The following ITPR3 variants were observed in gnomAD, a reference collection of about 807,000 sequenced individuals.
The protein encoded by ITPR3 is inositol 1,4,5-trisphosphate receptor type 3.
A neutral mutation model predicts 293.2 loss-of-function variants in ITPR3; 173 were observed. The ratio of observed to expected loss-of-function variants is 0.59; its 90% CI spans 0.52 to 0.67. ITPR3 has a LOEUF of 0.67. Among genes scored for constraint, ITPR3 ranks in the 30% least tolerant of loss-of-function variants. The pLI is 0.00. For synonymous variants in ITPR3, 1,295 were observed against 1,444.4 expected (o/e 0.90, Z 2.35); for missense variants, 2,796 against 3,592.1 (o/e 0.78, Z 5.66).
In ITPR3 at chr6:33,666,871, C is replaced by T. The variant is rs1764623232; in HGVS notation, c.1552-258C>T. ...AGACCCTCTGCTCCTCCCCCAGGCC[C>T]CAGATCTGAGCTGGGATTAGAATCC... is the stretch of plus-strand genomic sequence containing the variant. On this transcript the variant is annotated intron_variant, in intron 14 of 57. Coordinates refer to ENST00000605930, the MANE Select transcript of ITPR3 (RefSeq NM_002224.4). The surrounding 1 kb of genome is among the most constrained non-coding windows in gnomAD (Gnocchi z 5.1). Among the ~76,000 whole-genome samples the T allele has an allele frequency of 1.3e-5, 2 of 152,138 alleles. No homozygotes were observed. The highest frequency in any genetic ancestry group is 1.3e-4 in the Admixed American group (2 of 15,274).
intron 6 of ITPR3, 62 bp downstream of exon 6, chr6:33,659,181 A>G: frequency 6.9e-7 from 1 of 1,454,914 alleles, no homozygotes; most frequent in Non-Finnish European, 9.6e-7. Flanking sequence ...GGTGGTGTAG[A>G]CACCCCGCTC....
At position 33,680,056 on chromosome 6, in the gene ITPR3, A is replaced by G; in HGVS notation, c.4147A>G (p.Thr1383Ala). ...CTGTGCCGAGGGCAAAAACGTCTACACTGAGATCAAGTGCACCTCCCTGCT... is the reference window on the plus strand; with the variant it reads ...CTGTGCCGAGGGCAAAAACGTCTACGCTGAGATCAAGTGCACCTCCCTGCT... ...AACAEGKNVY[T>A]EIKCTSLLPL... Residue 1383 changes from threonine to alanine, a missense_variant, in exon 31 of 58, where the codon ACT (threonine) becomes GCT (alanine). Coordinates refer to ENST00000605930, the MANE Select transcript of ITPR3 (RefSeq NM_002224.4). The G allele has an allele frequency of 1.2e-6, 2 of 1,613,808 alleles. No individual in the cohort carries two copies. Among genetic ancestry groups the G allele is most frequent in the Non-Finnish European group, 8.5e-7 (1 of 1,180,036 alleles).
chr6:33,665,990 C>T lies in ITPR3; in HGVS notation c.1551+14C>T. ...ATCCTCAAACAGGTGCGTGTGCACC[C>T]ATGAGGGGACGCAGAGGGGCCGGGT... On this transcript the variant is annotated intron_variant, in intron 14 of 57. Transcript: ENST00000605930. 6.3e-7 allele frequency: 1 copy of T among 1,586,582 alleles called. No individual in the cohort carries two copies. The highest frequency in any genetic ancestry group is 8.6e-7 in the Non-Finnish European group (1 of 1,165,644).
rs1379063876 is a variant in ITPR3, at chr6:33,693,585, T to C, written c.7665T>C (p.Phe2555=). The stretch of plus-strand genomic sequence containing the variant: ...AGTTTGATAACAAGACAGTGTCATT[T>C]GAGGAACACATCAAGCTGGAGCACA... The part of the protein sequence containing the change: ...RDKFDNKTVS[F]EEHIKLEHNM... The change falls in exon 56 of 58, where the codon TTT becomes TTC. Residue 2555 remains phenylalanine (F), a synonymous_variant. Transcript: ENST00000605930. 6.2e-7 allele frequency: 1 copy of C among 1,614,074 alleles called. No individual in the cohort carries two copies. Among genetic ancestry groups the C allele is most frequent in the Non-Finnish European group, 8.5e-7 (1 of 1,180,046 alleles).
chr6:33,680,172 G>A, intron 31 of ITPR3, 39 bp downstream of exon 31: 1 of 1,602,540 alleles, frequency 6.2e-7, no homozygotes, highest in South Asian at 1.1e-5. Context: ...CTGGAGATGG[G>A]GCGAAGGGGT....
chr6:33,667,692 G>A lies in ITPR3; in HGVS notation c.1714-100G>A. 1 of 1,316,636 alleles carries A rather than the reference G, an allele frequency of 7.6e-7. No individual in the cohort carries two copies. 81.6% of individuals were successfully genotyped at this position (1,316,636 alleles called of 1,614,324 possible). A position where few individuals can be genotyped will look rare whatever the true frequency, so the allele number is the denominator to read the frequency against. On this transcript the variant is annotated intron_variant, in intron 15 of 57. Coordinates refer to ENST00000605930, the MANE Select transcript of ITPR3 (RefSeq NM_002224.4). This position sits in a 1 kb window ranked among gnomAD's most constrained non-coding sequence, Gnocchi z 4.4. ...TGGACCTCTGCCTTTCTAGGGTATTGGGTCCTTACCTCGGGGTTTGGGGGC... is the reference window on the plus strand; with the variant it reads ...TGGACCTCTGCCTTTCTAGGGTATTAGGTCCTTACCTCGGGGTTTGGGGGC...
At chr6:33,641,402 G>A (rs1033562547) in intron 2 of ITPR3, among the ~76,000 whole-genome samples, 7 of 152,184 alleles carry the variant, frequency 4.6e-5, no homozygotes, top group African/African-American at 1.4e-4. Context: ...TCCTCGCGGG[G>A]GATGCTGGAA....
intron 22 of ITPR3, among the ~76,000 whole-genome samples, 158 bp from the exon 23 acceptor site, chr6:33,673,433 G>A (rs935354935): frequency 6.6e-6 from 1 of 152,004 alleles, no homozygotes; most frequent in Admixed American, 6.5e-5. Context: ...GTGACATCCT[G>A]GAGCATCCCA....
intron 42 of ITPR3, 39 bp downstream of exon 42, chr6:33,686,292 C>T (rs769069019): frequency 3.7e-6 from 6 of 1,605,942 alleles, no homozygotes; most frequent in Middle Eastern, 1.7e-4. Context: ...GCCAGGGTGG[C>T]AGTGTGGACA....
chr6:33,676,925 A>G lies in ITPR3; in HGVS notation c.3440A>G (p.Lys1147Arg), dbSNP rs1003225076. Reference sequence around the variant, plus strand: ...GTGGAGGCAGGCGCCGCCAAGGACAAGAAAGAGGTAAGTGGGGCTCCAGGG... The same window carrying G: ...GTGGAGGCAGGCGCCGCCAAGGACAGGAAAGAGGTAAGTGGGGCTCCAGGG... ...EEVEAGAAKD[K>R]KERPTDEEGF... Residue 1147 changes from lysine (K) to arginine (R), a missense_variant, in exon 26 of 58, where the codon AAG becomes AGG. By Grantham distance (26) the Lys-to-Arg change is conservative. Transcript: ENST00000605930. 2.5e-6 allele frequency: 4 copies of G among 1,614,000 alleles called. No individual in the cohort carries two copies. Among genetic ancestry groups the G allele is most frequent in the Admixed American group, 3.3e-5 (2 of 60,012 alleles).
intron 49 of ITPR3, 68 bp downstream of exon 49, chr6:33,688,849 AGCCTTGAG>A: frequency 6.2e-7 from 1 of 1,606,126 alleles, no homozygotes; most frequent in Non-Finnish European, 8.5e-7. Context: ...GTTGGGGCAG[AGCCTTGAG>A]GCCAGCTGGC....
chr6:33,621,708 C>A lies in ITPR3; in HGVS notation c.89+17C>A. ...CACTTTGGGGTGAGTGAGCCGAGCT[C>A]GAGAGGGGCGCGGGTAAAGAGGGGG... On this transcript the variant is annotated intron_variant, in intron 1 of 57. Transcript: ENST00000605930. This position sits in a 1 kb window ranked among gnomAD's most constrained non-coding sequence, Gnocchi z 7.7. The A allele has an allele frequency of 6.3e-7, 1 of 1,582,266 alleles. No individual in the cohort carries two copies.
In ITPR3 at chr6:33,662,911, G is replaced by C; in HGVS notation, c.859G>C (p.Val287Leu). The change falls in exon 9 of 58, where the codon GTG (valine) becomes CTG (leucine). Residue 287 changes from valine (V) to leucine (L), a missense_variant and splice_region_variant. This residue lies in a region of ITPR3 where 955 missense variants were observed against 1,180.8 expected (regional missense o/e 0.81). Transcript: ENST00000605930. ...TSSNALWEVE[V>L]VHHDPCRGGA... ...CTGCCTCACACCTGTGTGCCCCTAG[G>C]TGGTCCACCACGACCCCTGCCGTGG... 6 of 1,590,260 alleles carry C rather than the reference G, an allele frequency of 3.8e-6. No individual in the cohort carries two copies. Among genetic ancestry groups the C allele is most frequent in the Non-Finnish European group, 5.1e-6 (6 of 1,167,116 alleles).
At position 33,633,528 on chromosome 6, in the gene ITPR3, C is replaced by T. The variant is rs956077155; in HGVS notation, c.90-6956C>T. ...TCAGGTGGGGAGGGGTACCCCGGGGCCGCCCTCCGCGGGCAGACGAGCGGG... is the reference window on the plus strand; with the variant it reads ...TCAGGTGGGGAGGGGTACCCCGGGGTCGCCCTCCGCGGGCAGACGAGCGGG... On this transcript the variant is annotated intron_variant, in intron 1 of 57. Coordinates refer to ENST00000605930, the MANE Select transcript of ITPR3 (RefSeq NM_002224.4). This position sits in a 1 kb window ranked among gnomAD's most constrained non-coding sequence, Gnocchi z 5.2. 6.6e-6 allele frequency among the ~76,000 whole-genome samples: 1 copy of T among 152,046 alleles called. No individual in the cohort carries two copies. The highest frequency in any genetic ancestry group is 2.1e-4 in the South Asian group (1 of 4,834).
intron 55 of ITPR3, 106 bp from the exon 56 acceptor site, chr6:33,693,439 C>A: frequency 8.3e-7 from 1 of 1,205,216 alleles, no homozygotes; most frequent in Non-Finnish European, 1.2e-6. Flanking sequence ...GCGCTCATCC[C>A]GAGAACAAAT....
chr6:33,691,871 C>A lies in ITPR3; in HGVS notation c.7401C>A (p.Asn2467Lys). The A allele has an allele frequency of 6.2e-7, 1 of 1,614,132 alleles. No homozygotes were observed. The highest frequency in any genetic ancestry group is 8.5e-7 in the Non-Finnish European group (1 of 1,180,030). Reference sequence around the variant, plus strand: ...TGATGTGCATCGTCACTGTCATGAACCATGGGCTACGCAACGGTGGTGGCG... The same window carrying A: ...TGATGTGCATCGTCACTGTCATGAAACATGGGCTACGCAACGGTGGTGGCG... ...TLLMCIVTVM[N>K]HGLRNGGGVG... The change falls in exon 54 of 58, where the codon AAC becomes AAA. Residue 2467 changes from asparagine to lysine, a missense_variant. Around this residue, in one of 8 missense-constraint regions of ITPR3, gnomAD observed 568 missense variants for 796.1 expected, o/e 0.71. Coordinates refer to ENST00000605930, the MANE Select transcript of ITPR3 (RefSeq NM_002224.4). The surrounding 1 kb of genome is among the most constrained non-coding windows in gnomAD (Gnocchi z 4.9).
At chr6:33,665,772 C>T (rs1292129251) in intron 13 of ITPR3, 63 bp from the exon 14 acceptor site, 2 of 1,594,728 alleles carry the variant, frequency 1.3e-6, no homozygotes, top group African/African-American at 2.7e-5. Flanking sequence ...GGACTGGCTC[C>T]CCAAGAGGGA....
chr6:33,644,989 T>G (rs890742911), intron 2 of ITPR3, among the ~76,000 whole-genome samples: 2 of 151,376 alleles, frequency 1.3e-5, no homozygotes, highest in Non-Finnish European at 2.9e-5. Context: ...TTAAACCCCA[T>G]ATATTAAAGG....
In ITPR3 at chr6:33,675,770, G is replaced by A. The variant is rs1279365464; in HGVS notation, c.3196G>A (p.Asp1066Asn). 7 of 1,612,766 alleles carry A rather than the reference G, an allele frequency of 4.3e-6. No homozygotes were observed. Among genetic ancestry groups the A allele is most frequent in the South Asian group, 1.1e-5 (1 of 90,948 alleles). ...LRVLIHLTMH[D>N]YAPLVSGALQ... Reference sequence around the variant, plus strand: ...CGTGCTCATCCACCTCACCATGCACGACTATGCGCCGCTGGTCTCGGGTGC... The same window carrying A: ...CGTGCTCATCCACCTCACCATGCACAACTATGCGCCGCTGGTCTCGGGTGC... Residue 1066 changes from aspartate to asparagine, a missense_variant, in exon 25 of 58, where the codon GAC becomes AAC. Transcript: ENST00000605930. This position sits in a 1 kb window ranked among gnomAD's most constrained non-coding sequence, Gnocchi z 5.0.
Sources: allele counts gnomAD v4.1 joint callset (sites outside exome capture counted in the v4.1 genomes callset), GRCh38; gene constraint gnomAD v4.1.1; regional missense constraint gnomAD v4.1.1; non-coding constraint Gnocchi (gnomAD v3.1); transcripts MANE v1.5; gene names NCBI Gene and HGNC (gene_info 2026-07-23, HGNC 2026-07-21).